Variants in RRBP1 observed in about 807,000 individuals in gnomAD.
RRBP1 encodes the protein ribosome binding protein 1.
In RRBP1, 94 loss-of-function variants were observed where a neutral mutation model predicts 165.2. The observed-to-expected ratio is 0.57, with a 90% CI of 0.48 to 0.68. The LOEUF is 0.68. Among genes scored for constraint, RRBP1 ranks in the 30% least tolerant of loss-of-function variants. RRBP1 has a pLI of 0.00. For missense variants in RRBP1, 1,676 were observed against 1,763.0 expected (o/e 0.95, Z 0.88); for synonymous variants, 680 against 714.5 (o/e 0.95, Z 0.77).
intron 1 of RRBP1, among the ~76,000 whole-genome samples, chr20:17,681,054 C>G (rs112626741): frequency 6.6e-6 from 1 of 151,952 alleles, no homozygotes; most frequent in Non-Finnish European, 1.5e-5. Flanking sequence ...AGCGCAGACC[C>G]CGGCCTGCCT....
At chr20:17,653,319 T>C (rs1600763264) in intron 3 of RRBP1, among the ~76,000 whole-genome samples, 1 of 152,386 alleles carries the variant, frequency 6.6e-6, no homozygotes, top group Admixed American at 6.5e-5. Flanking sequence ...GCAAAGCAGC[T>C]GGGAGCTATG....
rs749289707 is a variant in RRBP1 at position 17,643,106 on chromosome 20, G to A, written c.1934C>T (p.Pro645Leu). 7 of 1,614,056 alleles carry A rather than the reference G, an allele frequency of 4.3e-6. 1 individual carries two copies. In the South Asian group the frequency reaches 7.7e-5, roughly 18 times the overall value. Residue 645 changes from proline to leucine, a missense_variant, in exon 4 of 25, where the codon CCT becomes CTT. This residue lies in a region of RRBP1 where 1,184 missense variants were observed against 1,167.1 expected (regional missense o/e 1.01). Transcript: ENST00000377813. The surrounding 1 kb of genome is among the most constrained non-coding windows in gnomAD (Gnocchi z 4.3). ...CAGCGTCTTGTAGGGGAGGTAGAGAGGGCCGTCGGCATCTGGGGGCCCTGT... is the reference window on the plus strand; with the variant it reads ...CAGCGTCTTGTAGGGGAGGTAGAGAAGGCCGTCGGCATCTGGGGGCCCTGT... ...GEPGPPDADG[P>L]LYLPYKTLVS...
At position 17,643,354 on chromosome 20, in the gene RRBP1, T is replaced by C. The variant is rs1204827568; in HGVS notation, c.1913-227A>G. On this transcript the variant is annotated intron_variant, in intron 3 of 24. Coordinates refer to ENST00000377813, the MANE Select transcript of RRBP1 (RefSeq NM_001365613.2). This position sits in a 1 kb window ranked among gnomAD's most constrained non-coding sequence, Gnocchi z 4.3. The stretch of plus-strand genomic sequence containing the variant: ...TCCCTGCACCGTCCTAACTCGCCCA[T>C]AGGAAGTCCCAGCCTGGGGTGGAAG... Among the ~76,000 whole-genome samples the C allele has an allele frequency of 6.6e-6, 1 of 151,746 alleles. No individual in the cohort carries two copies. The highest frequency in any genetic ancestry group is 6.6e-5 in the Admixed American group (1 of 15,236).
rs12625039 is a variant in RRBP1 at position 17,635,319 on chromosome 20, C to T, written c.2456+227G>A. Among the ~76,000 whole-genome samples the T allele has an allele frequency of 4.3e-4, 65 of 152,312 alleles. 1 individual carries two copies. In the East Asian group the frequency reaches 0.012, roughly 28 times the overall value. On this transcript the variant is annotated intron_variant, in intron 7 of 24. Coordinates refer to ENST00000377813, the MANE Select transcript of RRBP1 (RefSeq NM_001365613.2). ...GTGTTGCAGAGCAGGAGGCTGTGCTCCAGGGCACAGTCGAGGCCCACCACC... is the reference window on the plus strand; with the variant it reads ...GTGTTGCAGAGCAGGAGGCTGTGCTTCAGGGCACAGTCGAGGCCCACCACC...
In RRBP1 at chr20:17,616,145, G is replaced by C. The variant is rs1056945703; in HGVS notation, c.3868-136C>G. 21 of 714,850 alleles carry C rather than the reference G, an allele frequency of 2.9e-5. No homozygotes were observed. In the African/African-American group the frequency reaches 3.0e-4, roughly 10 times the overall value. The allele number at this position is 714,850 out of a possible 1,614,324, so 44.3% of individuals were successfully genotyped here. ...GCCCCAACGCTCCCCTCGTTGGGGA[G>C]AGGGCACCTCAGCCCCTGGTACAGA... On this transcript the variant is annotated intron_variant, in intron 21 of 24. Coordinates refer to ENST00000377813, the MANE Select transcript of RRBP1 (RefSeq NM_001365613.2).
intron 20 of RRBP1, among the ~76,000 whole-genome samples, chr20:17,617,572 T>C (rs1324391099): frequency 6.6e-6 from 1 of 151,834 alleles, no homozygotes; most frequent in Non-Finnish European, 1.5e-5. Flanking sequence ...CTCCAGGGGG[T>C]TTTCTCTGCA....
At chr20:17,619,925 A>C in intron 18 of RRBP1, 197 bp from the exon 19 acceptor site, 1 of 549,502 alleles carries the variant, frequency 1.8e-6, no homozygotes, top group Non-Finnish European at 3.2e-6. Context: ...GCACCCGGGC[A>C]CTCCTGGGGA....
rs1190039273 is a variant in RRBP1 at position 17,615,540 on chromosome 20, A to C, written c.3952-11T>G. 4 of 1,594,204 alleles carry C rather than the reference A, an allele frequency of 2.5e-6. No individual in the cohort carries two copies. In the African/African-American group the frequency reaches 5.4e-5, roughly 22 times the overall value. ...TGCCGAGGTCTGAGCCTTGCCGGAG[A>C]GGGAAGTGAGGTCTGGGTGAGACGT... is the stretch of plus-strand genomic sequence containing the variant. On this transcript the variant is annotated splice_polypyrimidine_tract_variant and intron_variant, in intron 22 of 24. Coordinates refer to ENST00000377813, the MANE Select transcript of RRBP1 (RefSeq NM_001365613.2).
chr20:17,667,261 G>A (rs1310603672), intron 2 of RRBP1, among the ~76,000 whole-genome samples: 1 of 152,156 alleles, frequency 6.6e-6, no homozygotes, highest in Admixed American at 6.5e-5. Flanking sequence ...CTTAAAGGGG[G>A]AAGGCTGGCT....
At position 17,627,958 on chromosome 20, in the gene RRBP1, G is replaced by A. The variant is rs139793579; in HGVS notation, c.2750-276C>T. 1.2e-3 allele frequency among the ~76,000 whole-genome samples: 176 copies of A among 152,306 alleles called. 1 individual carries two copies. The highest frequency in any genetic ancestry group is 4.2e-3 in the African/African-American group (174 of 41,542). On this transcript the variant is annotated intron_variant, in intron 9 of 24. Coordinates refer to ENST00000377813, the MANE Select transcript of RRBP1 (RefSeq NM_001365613.2). The stretch of plus-strand genomic sequence containing the variant: ...GAGAAAATGATAGAGAGTGGAAACG[G>A]ACTCCAGCTGAGGCTTTTAAAGATT...
At chr20:17,666,665 G>C (rs948755273) in intron 2 of RRBP1, among the ~76,000 whole-genome samples, 1 of 152,118 alleles carries the variant, frequency 6.6e-6, no homozygotes, top group Non-Finnish European at 1.5e-5. Flanking sequence ...GCTTAACAGA[G>C]CTGGCTGAGA....
chr20:17,681,966 C>CCCCGGCCCCCCGACGG (rs1222364374), intron 1 of RRBP1, 62 bp downstream of exon 1: 1 of 148,098 alleles, frequency 6.8e-6, no homozygotes, highest in Non-Finnish European at 1.5e-5. Context: ...GCGCGGCCGG[C>CCCCGGCCCCCCGACGG]CCCGGCCCCC....
intron 5 of RRBP1, 58 bp downstream of exon 5, chr20:17,641,739 C>T (rs111918738): frequency 3.9e-5 from 62 of 1,599,080 alleles, no homozygotes; most frequent in South Asian, 9.9e-5. Context: ...GTGGATGGGG[C>T]GGGGGTCCTC....
intron 10 of RRBP1, 43 bp from the exon 11 acceptor site, chr20:17,627,425 T>C (rs1404296366): frequency 3.7e-6 from 6 of 1,612,994 alleles, no homozygotes; most frequent in Non-Finnish European, 5.1e-6. Flanking sequence ...AGGAGACTCA[T>C]CTCACGCAGC....
At position 17,616,016 on chromosome 20, in the gene RRBP1, A is replaced by G. The variant is rs375969921; in HGVS notation, c.3868-7T>C. On this transcript the variant is annotated splice_region_variant and splice_polypyrimidine_tract_variant and intron_variant, in intron 21 of 24. Coordinates refer to ENST00000377813, the MANE Select transcript of RRBP1 (RefSeq NM_001365613.2). ...ACTCCAGCTGCGTCTTCAGCTGTGC[A>G]AACACCGCAAACATAACCCGGCAGC... is the stretch of plus-strand genomic sequence containing the variant. The G allele has an allele frequency of 9.7e-5, 156 of 1,602,598 alleles. No homozygotes were observed. Among genetic ancestry groups the G allele is most frequent in the Non-Finnish European group, 1.2e-4 (146 of 1,178,940 alleles).
At chr20:17,631,606 C>T (rs1387362868) in intron 8 of RRBP1, among the ~76,000 whole-genome samples, 1 of 152,256 alleles carries the variant, frequency 6.6e-6, no homozygotes, top group African/African-American at 2.4e-5. Context: ...CAGCTGGGGA[C>T]TTTCATAAGG....
At chr20:17,641,953 A>G in intron 4 of RRBP1, 34 bp from the exon 5 acceptor site, 2 of 1,599,326 alleles carry the variant, frequency 1.3e-6, no homozygotes, top group Non-Finnish European at 1.7e-6. Context: ...AACAGAGGGG[A>G]CAAATGGGAC....
rs2035812576 is a variant in RRBP1 at position 17,616,901 on chromosome 20, C to T, written c.3760-62G>A. On this transcript the variant is annotated intron_variant, in intron 20 of 24. Transcript: ENST00000377813. ...CAGTCGCACACCCACCATGCTCACTCCTGCAGGGACCCCCTCGGAGGACCG... is the reference window on the plus strand; with the variant it reads ...CAGTCGCACACCCACCATGCTCACTTCTGCAGGGACCCCCTCGGAGGACCG... The T allele has an allele frequency of 4.7e-6, 6 of 1,267,286 alleles. No homozygotes were observed. The South Asian group carries it at 7.3e-5, about 15-fold the overall frequency. 78.5% of individuals were successfully genotyped at this position (1,267,286 alleles called of 1,614,324 possible).
intron 3 of RRBP1, among the ~76,000 whole-genome samples, chr20:17,648,969 G>A (rs1051975722): frequency 2.0e-5 from 3 of 152,246 alleles, no homozygotes; most frequent in Non-Finnish European, 4.4e-5. Flanking sequence ...TCTGGGGGCA[G>A]TGACCGGAGT....
Sources: gnomAD v4.1 joint callset for allele counts (sites outside exome capture counted in the v4.1 genomes callset) on GRCh38, gnomAD v4.1.1 for gene constraint, gnomAD v4.1.1 regional missense constraint, Gnocchi (gnomAD v3.1) non-coding constraint, MANE v1.5 for transcripts, NCBI Gene and HGNC (gene_info 2026-07-23, HGNC 2026-07-21) for gene names.